Variants in UHMK1 observed in about 807,000 individuals in gnomAD.
UHMK1 encodes the protein serine/threonine-protein kinase Kist.
Under a neutral mutation model 44.0 loss-of-function variants are expected in UHMK1, and 18 were observed. The ratio of observed to expected loss-of-function variants is 0.41; its 90% CI spans 0.28 to 0.61. The LOEUF is 0.61. UHMK1 is among the 20% of genes least tolerant of loss of function. UHMK1 has a pLI of 0.31. For synonymous variants in UHMK1, 231 were observed against 198.5 expected (o/e 1.16, Z -1.38); for missense variants, 463 against 522.5 (o/e 0.89, Z 1.11).
intron 7 of UHMK1, among the ~76,000 whole-genome samples, chr1:162,520,963 G>A (rs920513018): frequency 2.6e-5 from 4 of 152,132 alleles, no homozygotes; most frequent in Non-Finnish European, 5.9e-5. Context: ...TATGAAAAAA[G>A]TATCAGTGAG....
intron 6 of UHMK1, among the ~76,000 whole-genome samples, chr1:162,515,422 T>G (rs1291879639): frequency 6.6e-6 from 1 of 152,200 alleles, no homozygotes; most frequent in African/African-American, 2.4e-5. Context: ...ATATTCTCCT[T>G]GTAGAAAATT....
chr1:162,506,855 C>T (rs899040147), intron 4 of UHMK1, among the ~76,000 whole-genome samples: 2 of 151,732 alleles, frequency 1.3e-5, no homozygotes, highest in African/African-American at 4.8e-5. Flanking sequence ...CAGAGGGAGA[C>T]TCTGTCTCAA....
chr1:162,497,881 C>A lies in UHMK1; in HGVS notation c.-120C>A. The A allele has an allele frequency of 7.1e-7, 1 of 1,401,154 alleles. No individual in the cohort carries two copies. Among genetic ancestry groups the A allele is most frequent in the Non-Finnish European group, 9.2e-7 (1 of 1,083,522 alleles). The allele number at this position is 1,401,154 out of a possible 1,614,324, so 86.8% of individuals were successfully genotyped here. ...CTTGAAGTCCCGGGAGTCGGTGAGG[C>A]GGCTGCAGGTCCCTCCCTGCGGAGC... On this transcript the variant is annotated 5_prime_UTR_variant, in exon 1 of 8. Transcript: ENST00000489294.
chr1:162,497,224 C>T (rs10919549), upstream of UHMK1: 4 of 699,628 alleles, frequency 5.7e-6, no homozygotes, highest in Non-Finnish European at 7.8e-6. Context: ...CCTCCAGGTA[C>T]CAGGCTTCCA....
Position 162,526,383 on chromosome 1 carries a change from C to A in UHMK1, c.*3833C>A, listed in dbSNP as rs555227949. On this transcript the variant is annotated 3_prime_UTR_variant, in exon 8 of 8. Coordinates refer to ENST00000489294, the MANE Select transcript of UHMK1 (RefSeq NM_175866.5). Reference sequence around the variant, plus strand: ...AAGGAGTAGGGGAGACACTCAGTAACCATCTATTTACCTAGACACTTATGC... The same window carrying A: ...AAGGAGTAGGGGAGACACTCAGTAAACATCTATTTACCTAGACACTTATGC... 6.6e-6 allele frequency: 1 copy of A among 151,972 alleles called. No homozygotes were observed. Among genetic ancestry groups the A allele is most frequent in the East Asian group, 1.9e-4 (1 of 5,184 alleles). The allele number at this position is 151,972 out of a possible 1,614,324, so 9.4% of individuals were successfully genotyped here. A position where few individuals can be genotyped will look rare whatever the true frequency, so the allele number is the denominator to read the frequency against.
chr1:162,512,758 C>T lies in UHMK1; in HGVS notation c.959C>T (p.Thr320Ile). ...ATTGAAGATCTGGTCATGCTTCCCA[C>T]TCCAGTGCTAAGACTGCTGAATGTG... Reference protein sequence around the residue: ...PHIEDLVMLPTPVLRLLNVLD... With the variant: ...PHIEDLVMLPIPVLRLLNVLD... Residue 320 changes from threonine (T) to isoleucine (I), a missense_variant, in exon 6 of 8, where the codon ACT becomes ATT. By Grantham distance (89) the Thr-to-Ile change is moderately conservative. Coordinates refer to ENST00000489294, the MANE Select transcript of UHMK1 (RefSeq NM_175866.5). 6.2e-7 allele frequency: 1 copy of T among 1,614,116 alleles called. No individual in the cohort carries two copies. The highest frequency in any genetic ancestry group is 8.5e-7 in the Non-Finnish European group (1 of 1,180,008).
At chr1:162,497,763 T>G (rs1651099128), upstream of UHMK1, 124 of 1,256,084 alleles carry the variant, frequency 9.9e-5, no homozygotes, top group Middle Eastern at 5.9e-4. Flanking sequence ...CCGCCCCTTC[T>G]GAGCCCCCCC....
Position 162,522,632 on chromosome 1 carries a change from AC to A in UHMK1, c.*84del. 1 of 1,424,504 alleles carries A rather than the reference AC, an allele frequency of 7.0e-7. No individual in the cohort carries two copies. 88.2% of individuals were successfully genotyped at this position (1,424,504 alleles called of 1,614,324 possible). Reference sequence around the variant, plus strand: ...CATATGAATGCAGGACTACCCCCTTACCATTTTAAGAAGGTACTTTATACAT... The same window carrying A: ...CATATGAATGCAGGACTACCCCCTTACATTTTAAGAAGGTACTTTATACAT... On this transcript the variant is annotated 3_prime_UTR_variant, in exon 8 of 8. Coordinates refer to ENST00000489294, the MANE Select transcript of UHMK1 (RefSeq NM_175866.5).
chr1:162,525,111 T>G lies in UHMK1; in HGVS notation c.*2561T>G, dbSNP rs370023788. 1 of 152,140 alleles carries G rather than the reference T, an allele frequency of 6.6e-6. No homozygotes were observed. Among genetic ancestry groups the G allele is most frequent in the African/African-American group, 2.4e-5 (1 of 41,418 alleles). 9.4% of individuals were successfully genotyped at this position (152,140 alleles called of 1,614,324 possible). A position where few individuals can be genotyped will look rare whatever the true frequency, so the allele number is the denominator to read the frequency against. On this transcript the variant is annotated 3_prime_UTR_variant, in exon 8 of 8. Transcript: ENST00000489294. ...TTGAAAAAGAAATGCCTCCTGTGAT[T>G]GAAATTATTTTATAGCTCTTAGCCC...
chr1:162,498,485 C>T (rs1200833045), intron 1 of UHMK1, among the ~76,000 whole-genome samples: 1 of 152,202 alleles, frequency 6.6e-6, no homozygotes. Context: ...CATAGATGCT[C>T]AGTAAATTGT....
intron 1 of UHMK1, among the ~76,000 whole-genome samples, 168 bp downstream of exon 1, chr1:162,498,436 C>T (rs1651146611): frequency 6.6e-6 from 1 of 152,158 alleles, no homozygotes; most frequent in Non-Finnish European, 1.5e-5. Context: ...TTACTGTCTG[C>T]GGTATAGTGG....
intron 4 of UHMK1, among the ~76,000 whole-genome samples, chr1:162,510,402 G>T (rs1206694796): frequency 6.6e-6 from 1 of 152,062 alleles, no homozygotes; most frequent in Admixed American, 6.6e-5. Context: ...CCCAGCCTCT[G>T]GTAACACCAT....
At chr1:162,501,948 A>T (rs1651284065) in intron 3 of UHMK1, among the ~76,000 whole-genome samples, 2 of 149,854 alleles carry the variant, frequency 1.3e-5, no homozygotes, top group East Asian at 3.9e-4. Flanking sequence ...AAAAAAAATT[A>T]TAAAAGGTAT....
In UHMK1 at chr1:162,501,220, A is replaced by C; in HGVS notation, c.753+116A>C. 1.9e-6 allele frequency: 2 copies of C among 1,055,974 alleles called. 1 individual carries two copies. The highest frequency in any genetic ancestry group is 2.7e-6 in the Non-Finnish European group (2 of 750,466). 65.4% of individuals were successfully genotyped at this position (1,055,974 alleles called of 1,614,324 possible). ...AGTTTCACTCTTTCACCCAGGCTGG[A>C]GTGCAGTGGCGCAATCTCAGCTCAC... is the stretch of plus-strand genomic sequence containing the variant. On this transcript the variant is annotated intron_variant, in intron 3 of 7. Coordinates refer to ENST00000489294, the MANE Select transcript of UHMK1 (RefSeq NM_175866.5).
chr1:162,507,711 C>T (rs1013215694), intron 4 of UHMK1, among the ~76,000 whole-genome samples: 15 of 151,670 alleles, frequency 9.9e-5, no homozygotes, highest in Admixed American at 3.9e-4. Flanking sequence ...CTCAGCCTCC[C>T]GAGTAGCTGG....
chr1:162,515,734 C>A (rs1557945487), intron 6 of UHMK1, among the ~76,000 whole-genome samples: 1 of 152,094 alleles, frequency 6.6e-6, no homozygotes. Flanking sequence ...TAATTTTTAT[C>A]TCTTTAAAAC....
At chr1:162,498,330 T>A in intron 1 of UHMK1, 62 bp downstream of exon 1, 1 of 1,508,950 alleles carries the variant, frequency 6.6e-7, no homozygotes, top group East Asian at 2.3e-5. Flanking sequence ...ACTCTTCCTC[T>A]CGCTGTCTGG....
chr1:162,515,872 A>G (rs1201454968), intron 6 of UHMK1, among the ~76,000 whole-genome samples: 1 of 151,800 alleles, frequency 6.6e-6, no homozygotes, highest in Non-Finnish European at 1.5e-5. Context: ...GTCTCTACTA[A>G]AAATACAAAA....
At chr1:162,515,506 G>C (rs1384769726) in intron 6 of UHMK1, among the ~76,000 whole-genome samples, 1 of 152,138 alleles carries the variant, frequency 6.6e-6, no homozygotes, top group African/African-American at 2.4e-5. Context: ...AGTGTAGTGA[G>C]AGAACTGTAA....
Sources: allele counts gnomAD v4.1 joint callset (sites outside exome capture counted in the v4.1 genomes callset), GRCh38; gene constraint gnomAD v4.1.1; transcripts MANE v1.5; gene names NCBI Gene and HGNC (gene_info 2026-07-23, HGNC 2026-07-21).